The following NCOR2 variants were observed in gnomAD, a reference collection of about 807,000 sequenced individuals.
NCOR2 encodes the protein CTG repeat protein 26.
A neutral mutation model predicts 262.9 loss-of-function variants in NCOR2; 81 were observed. The ratio of observed to expected loss-of-function variants is 0.31; its 90% CI spans 0.26 to 0.37. The LOEUF is 0.37. Among genes scored for constraint, NCOR2 ranks in the 10% least tolerant of loss-of-function variants. The pLI is 1.00. For synonymous variants in NCOR2, 1,659 were observed against 1,559.3 expected, an observed-to-expected ratio of 1.06 and a Z score of -1.51; for missense variants, 3,385 against 3,621.4, an observed-to-expected ratio of 0.93 and a Z score of 1.68.
chr12:124,422,706 A>G, intron 11 of NCOR2, 151 bp from the exon 14 acceptor site: 1 of 543,682 alleles, frequency 1.8e-6, no homozygotes, highest in Non-Finnish European at 3.2e-6. Flanking sequence ...GGGTGTGGGA[A>G]GGGCTGCTGC....
At position 124,387,919 on chromosome 12, in the gene NCOR2, AG is replaced by A. The variant is rs544689990; in HGVS notation, c.1877-2033del. ...TGGGTGGGGTGGGCATGGAGAGCTC[AG>A]GGGGTGGGGTGAGGGTGGCCCAACA... On this transcript the variant is annotated intron_variant, in intron 16 of 46. Transcript: ENST00000405201. Among the ~76,000 whole-genome samples the A allele has an allele frequency of 1.9e-3, 250 of 133,226 alleles. 2 individuals are homozygous for A. The highest frequency in any genetic ancestry group is 6.8e-3 in the African/African-American group (246 of 36,382). The allele number at this position is 133,226 out of a possible 152,430, so 87.4% of individuals were successfully genotyped here. A position where few individuals can be genotyped will look rare whatever the true frequency, so the allele number is the denominator to read the frequency against.
chr12:124,487,256 G>A (rs11057634), intron 1 of NCOR2, among the ~76,000 whole-genome samples: 63,550 of 152,132 alleles, frequency 0.42, 16,024 homozygotes, highest in Non-Finnish European at 0.55. Flanking sequence ...ATGGTGGCAA[G>A]TGATGGCGAC....
At chr12:124,326,167 G>A (rs371769948) in intron 46 of NCOR2, 24 bp downstream of exon 48, 2 of 1,492,762 alleles carry the variant, frequency 1.3e-6, no homozygotes, top group Non-Finnish European at 1.8e-6. Context: ...AGCGAGCCCA[G>A]CCCTGTCCCC....
At position 124,386,094 on chromosome 12, in the gene NCOR2, T is replaced by G. The variant is rs1333079308; in HGVS notation, c.1877-207A>C. The stretch of plus-strand genomic sequence containing the variant: ...ACTAGAGGGTGGCAGTCCTGGCCTC[T>G]GGGGTCTGGTTTCTCAGTCACTTGA... On this transcript the variant is annotated intron_variant, in intron 16 of 46. Coordinates refer to ENST00000405201, the Ensembl canonical transcript of NCOR2. Among the ~76,000 whole-genome samples, 3 of 152,038 alleles carry G rather than the reference T, an allele frequency of 2.0e-5. No individual in the cohort carries two copies. In the South Asian group the frequency reaches 6.2e-4, roughly 32 times the overall value.
intron 22 of NCOR2, among the ~76,000 whole-genome samples, chr12:124,360,019 G>A (rs553801540): frequency 7.9e-5 from 12 of 152,348 alleles, no homozygotes; most frequent in East Asian, 7.7e-4. Flanking sequence ...CCACACCAAC[G>A]GGCTGAGTGC....
intron 1 of NCOR2, among the ~76,000 whole-genome samples, chr12:124,543,045 T>TGGGC (rs2051424564): frequency 2.2e-4 from 2 of 9,246 alleles, no homozygotes; most frequent in Non-Finnish European, 4.5e-4. Flanking sequence ...GGCGGGTGGG[T>TGGGC]GGGCGAAGAT....
exon 38 of NCOR2, chr12:124,337,134 G>A (rs780495645): frequency 6.6e-7 from 1 of 1,515,162 alleles, no homozygotes. Context: ...TGGGTGGCAG[G>A]TGGGAATGTG....
chr12:124,341,040 C>T (rs921705047), intron 34 of NCOR2, among the ~76,000 whole-genome samples: 36 of 152,350 alleles, frequency 2.4e-4, no homozygotes, highest in South Asian at 6.2e-4. Context: ...CAGCCTCTGA[C>T]GCCTACACAA....
chr12:124,354,889 C>G, exon 25 of NCOR2: 1 of 1,612,038 alleles, frequency 6.2e-7, no homozygotes, highest in Non-Finnish European at 8.5e-7. Flanking sequence ...CAGGGCCCAC[C>G]GGGGCCTTGG....
intron 5 of NCOR2, among the ~76,000 whole-genome samples, chr12:124,463,321 C>G (rs1368160657): frequency 1.3e-5 from 2 of 152,246 alleles, no homozygotes; most frequent in African/African-American, 4.8e-5. Flanking sequence ...CGCCCTCCTT[C>G]CGGCCCACCC....
At chr12:124,417,345 CTCTACAACAGGATATGCCGGGCA>C (rs1182466024) in intron 13 of NCOR2, among the ~76,000 whole-genome samples, 2 of 152,218 alleles carry the variant, frequency 1.3e-5, no homozygotes, top group Non-Finnish European at 2.9e-5. Flanking sequence ...CAGGCCAGGC[CTCTACAACAGGATATGCCGGGCA>C]CCGACACCCC....
chr12:124,419,039 T>G (rs1057296433), intron 13 of NCOR2, among the ~76,000 whole-genome samples: 1 of 151,924 alleles, frequency 6.6e-6, no homozygotes, highest in African/African-American at 2.4e-5. Flanking sequence ...TCCACCCGCC[T>G]CCTCTGTGTG....
At chr12:124,344,874 G>T in exon 32 of NCOR2, 1 of 1,579,476 alleles carries the variant, frequency 6.3e-7, no homozygotes. Context: ...TCCGGCCGGG[G>T]CTGCCGATGA....
rs550845891 is a variant in NCOR2, at chr12:124,547,285, A to G, written c.-164-11674T>C. On this transcript the variant is annotated intron_variant, in intron 1 of 32. Transcript: ENST00000458234. ...TGGGGTTACAGGCATGAGCCACCAC[A>G]CCTGGCCTGTCCTATTTTATTATTA... Among the ~76,000 whole-genome samples the G allele has an allele frequency of 2.3e-3, 353 of 152,254 alleles. 5 individuals are homozygous for G. Among genetic ancestry groups the G allele is most frequent in the African/African-American group, 8.2e-3 (339 of 41,554 alleles).
At chr12:124,338,480 C>A (rs2036083082) in intron 37 of NCOR2, among the ~76,000 whole-genome samples, 1 of 148,382 alleles carries the variant, frequency 6.7e-6, no homozygotes, top group Non-Finnish European at 1.5e-5. Context: ...TGCACTCCAG[C>A]CTGGGCGACA....
upstream of NCOR2, among the ~76,000 whole-genome samples, chr12:124,499,434 AG>A (rs1246784327): frequency 1.3e-5 from 2 of 152,240 alleles, no homozygotes; most frequent in African/African-American, 4.8e-5. Flanking sequence ...GTCTCAGGCC[AG>A]GGGCTCTGCC....
intron 1 of NCOR2, among the ~76,000 whole-genome samples, chr12:124,490,232 C>T (rs1308701893): frequency 6.6e-6 from 1 of 152,174 alleles, no homozygotes; most frequent in Non-Finnish European, 1.5e-5. Context: ...CTCCCCGACT[C>T]TCTACTTAAA....
chr12:124,437,897 G>A (rs891864605), intron 8 of NCOR2, 33 bp downstream of exon 10: 3 of 1,597,502 alleles, frequency 1.9e-6, no homozygotes, highest in African/African-American at 2.7e-5. Flanking sequence ...CAGATCTCAA[G>A]GAAAGCTGAT....
At chr12:124,335,965 G>A (rs1593103091) in intron 38 of NCOR2, 1 of 320,380 alleles carries the variant, frequency 3.1e-6, no homozygotes, top group Non-Finnish European at 5.8e-6. Context: ...ATGGGTCTCT[G>A]GGGAAGGAGT....
Sources: allele counts gnomAD v4.1 joint callset (sites outside exome capture counted in the v4.1 genomes callset), GRCh38; gene constraint gnomAD v4.1.1; transcripts MANE v1.5; gene names NCBI Gene and HGNC (gene_info 2026-07-23, HGNC 2026-07-21).